The following CLVS1 variants were observed in gnomAD, a reference collection of about 807,000 sequenced individuals.
The protein encoded by CLVS1 is clavesin-1.
A neutral mutation model predicts 33.1 loss-of-function variants in CLVS1; 10 were observed. That is an observed-to-expected ratio of 0.30 (90% CI 0.19 to 0.51). The LOEUF is 0.51. CLVS1 is among the 20% of genes least tolerant of loss of function. The pLI, the probability that CLVS1 is intolerant of heterozygous loss-of-function variation, is 0.97. For missense variants in CLVS1, 343 were observed against 433.4 expected, an observed-to-expected ratio of 0.79 and a Z score of 1.85; for synonymous variants, 163 against 166.1, an observed-to-expected ratio of 0.98 and a Z score of 0.14.
chr8:61,222,761 A>C (rs1301451010), intron 2 of CLVS1, among the ~76,000 whole-genome samples: 1 of 152,104 alleles, frequency 6.6e-6, no homozygotes, highest in Non-Finnish European at 1.5e-5. Context: ...GATCTGTCTA[A>C]TACTGACAGT....
intron 2 of CLVS1, among the ~76,000 whole-genome samples, chr8:61,333,778 G>T (rs1010387864): frequency 6.6e-6 from 1 of 152,074 alleles, no homozygotes; most frequent in Non-Finnish European, 1.5e-5. Flanking sequence ...TGTCATGGGG[G>T]TGTCAGGTTA....
the CLVS1 span, among the ~76,000 whole-genome samples, chr8:61,040,023 T>A: frequency 6.6e-6 from 1 of 152,164 alleles, no homozygotes. Flanking sequence ...GTCCTCAGTG[T>A]CAGCTGGTCC....
intron 3 of CLVS1, among the ~76,000 whole-genome samples, chr8:61,409,569 C>T (rs1815136842): frequency 6.6e-6 from 1 of 152,196 alleles, no homozygotes; most frequent in Admixed American, 6.5e-5. Flanking sequence ...GATATTTAGT[C>T]TAATTCCACC....
chr8:61,355,543 T>C (rs1689564161), intron 2 of CLVS1, among the ~76,000 whole-genome samples: 1 of 152,140 alleles, frequency 6.6e-6, no homozygotes, highest in African/African-American at 2.4e-5. Flanking sequence ...TAGGTATATC[T>C]CCTAAAGCTA....
At position 61,315,084 on chromosome 8, in the gene CLVS1, G is replaced by C. The variant is rs184059686; in HGVS notation, c.455+14802G>C. 5.1e-4 allele frequency among the ~76,000 whole-genome samples: 78 copies of C among 152,216 alleles called. 1 individual carries two copies. The highest frequency in any genetic ancestry group is 3.1e-3 in the Admixed American group (48 of 15,296). On this transcript the variant is annotated intron_variant, in intron 2 of 5. Transcript: ENST00000325897. ...CTGTACAAAACGGAAAACCTAGGCA[G>C]TTTTTCTTCCAAGGTTTCTCCAACC...
In CLVS1 at chr8:61,384,554, A is replaced by G. The variant is rs1814008901; in HGVS notation, c.630+7775A>G. 2.0e-5 allele frequency among the ~76,000 whole-genome samples: 3 copies of G among 152,252 alleles called. No homozygotes were observed. In the South Asian group the frequency reaches 6.2e-4, roughly 32 times the overall value. On this transcript the variant is annotated intron_variant, in intron 3 of 5. Transcript: ENST00000325897. ...AGGATGAAGGTCAGATGTGAAGCTA[A>G]GGTGAAGGGTGAATGGTGATGCCGA...
chr8:61,204,874 T>C (rs946261586), intron 2 of CLVS1, among the ~76,000 whole-genome samples: 18 of 152,170 alleles, frequency 1.2e-4, no homozygotes, highest in African/African-American at 3.9e-4. Flanking sequence ...TTGGAATAGT[T>C]TGTGGGTGTC....
intron 3 of CLVS1, among the ~76,000 whole-genome samples, chr8:61,437,531 C>T (rs555266017): frequency 4.6e-5 from 7 of 152,228 alleles, no homozygotes; most frequent in Admixed American, 4.6e-4. Context: ...TTATAGCTGA[C>T]TAAAATCTCC....
At chr8:61,362,506 G>T (rs1279612808) in intron 2 of CLVS1, among the ~76,000 whole-genome samples, 1 of 152,098 alleles carries the variant, frequency 6.6e-6, no homozygotes, top group Non-Finnish European at 1.5e-5. Context: ...GACAGAAAGA[G>T]GTTACTACCA....
intron 2 of CLVS1, among the ~76,000 whole-genome samples, chr8:61,213,010 T>C (rs1808004410): frequency 6.6e-6 from 1 of 152,052 alleles, no homozygotes. Flanking sequence ...TTCCAGCTCA[T>C]CCTAGACCTA....
intron 2 of CLVS1, among the ~76,000 whole-genome samples, chr8:61,148,306 A>G (rs1806457767): frequency 6.6e-6 from 1 of 152,218 alleles, no homozygotes; most frequent in Non-Finnish European, 1.5e-5. Context: ...CACAACACAG[A>G]TGTGGAGGTG....
chr8:61,160,613 G>T (rs1271028443), intron 2 of CLVS1, among the ~76,000 whole-genome samples: 1 of 127,662 alleles, frequency 7.8e-6, no homozygotes, highest in South Asian at 2.2e-4. Flanking sequence ...ACCTCTTCTT[G>T]TTAAGAGATT....
chr8:61,386,320 G>T (rs1278125198), intron 3 of CLVS1, among the ~76,000 whole-genome samples: 1 of 152,154 alleles, frequency 6.6e-6, no homozygotes. Flanking sequence ...ATAAACCCCG[G>T]ACTTCATAAA....
chr8:60,966,701 A>C, the CLVS1 span: 1 of 213,148 alleles, frequency 4.7e-6, no homozygotes, highest in Non-Finnish European at 9.7e-6. Flanking sequence ...GTAATGAATG[A>C]ACACAAATCT....
At chr8:60,991,744 C>A in the CLVS1 span, among the ~76,000 whole-genome samples, 5 of 118,970 alleles carry the variant, frequency 4.2e-5, no homozygotes, top group African/African-American at 1.6e-4. Flanking sequence ...AAGCCCCACT[C>A]TTTTTTTTTT....
rs189928496 is a variant in CLVS1, at chr8:61,116,605, C to A, written c.-242-15165C>A. ...TCTACATATGGCTAGCCAATTTTCCCAGCACCATTTATTAAATAGGGAATC... is the reference window on the plus strand; with the variant it reads ...TCTACATATGGCTAGCCAATTTTCCAAGCACCATTTATTAAATAGGGAATC... On this transcript the variant is annotated intron_variant, in intron 1 of 2. Coordinates refer to the CLVS1 transcript ENST00000522621. Among the ~76,000 whole-genome samples, 790 of 152,158 alleles carry A rather than the reference C, an allele frequency of 5.2e-3. 7 individuals are homozygous for A. The highest frequency in any genetic ancestry group is 0.017 in the African/African-American group (710 of 41,486).
the CLVS1 span, among the ~76,000 whole-genome samples, chr8:61,050,736 T>G: frequency 6.6e-6 from 1 of 152,254 alleles, no homozygotes; most frequent in Non-Finnish European, 1.5e-5. Flanking sequence ...CTCATCCATC[T>G]GGCCTTAGCT....
intron 2 of CLVS1, among the ~76,000 whole-genome samples, chr8:61,236,116 G>A (rs559436535): frequency 1.3e-4 from 20 of 152,252 alleles, no homozygotes; most frequent in Admixed American, 1.1e-3. Flanking sequence ...TAGATTCTGA[G>A]GCGAGCTTCC....
chr8:61,315,286 A>C (rs996588723), intron 2 of CLVS1, among the ~76,000 whole-genome samples: 7 of 152,226 alleles, frequency 4.6e-5, no homozygotes, highest in African/African-American at 1.7e-4. Flanking sequence ...GCTATTAAAG[A>C]TAAGGCTTTG....
Sources: gnomAD v4.1 joint callset for allele counts (sites outside exome capture counted in the v4.1 genomes callset) on GRCh38, gnomAD v4.1.1 for gene constraint, MANE v1.5 for transcripts, NCBI Gene and HGNC (gene_info 2026-07-23, HGNC 2026-07-21) for gene names.